The following FHAD1 variants were observed in gnomAD, a reference collection of about 807,000 sequenced individuals.
FHAD1 encodes forkhead-associated domain-containing protein 1.
Under a neutral mutation model 191.3 loss-of-function variants are expected in FHAD1, and 146 were observed. The ratio of observed to expected loss-of-function variants is 0.76; its 90% CI spans 0.67 to 0.88. FHAD1 has a LOEUF of 0.88. Ranked by LOEUF, FHAD1 falls within the 40% of genes least tolerant of loss-of-function variation. The pLI is 0.00. For missense variants in FHAD1, 1,635 were observed against 1,785.8 expected (o/e 0.92, Z 1.52); for synonymous variants, 616 against 672.3 (o/e 0.92, Z 1.29).
chr1:15,355,520 G>C (rs1211815593), intron 20 of FHAD1, among the ~76,000 whole-genome samples: 2 of 152,252 alleles, frequency 1.3e-5, no homozygotes, highest in African/African-American at 4.8e-5. Context: ...AAGCTGCTGA[G>C]TAGCTGCCAG....
chr1:15,374,440 G>T (rs1698989487), intron 26 of FHAD1, 62 bp from the exon 27 acceptor site: 1 of 1,541,932 alleles, frequency 6.5e-7, no homozygotes, highest in African/African-American at 1.4e-5. Context: ...TCACATTTCT[G>T]TGAATGTAAG....
chr1:15,295,189 C>T (rs965989324), intron 4 of FHAD1, among the ~76,000 whole-genome samples: 1 of 152,198 alleles, frequency 6.6e-6, no homozygotes, highest in Non-Finnish European at 1.5e-5. Context: ...GCTGTGGGAC[C>T]TTCAGCAAGT....
intron 3 of FHAD1, among the ~76,000 whole-genome samples, chr1:15,275,594 T>A (rs886900630): frequency 1.3e-5 from 2 of 152,194 alleles, no homozygotes; most frequent in African/African-American, 2.4e-5. Flanking sequence ...CAGGCCTGAG[T>A]GAGGGCAGCC....
chr1:15,394,151 G>C (rs1029463408), intron 33 of FHAD1, among the ~76,000 whole-genome samples: 1 of 152,166 alleles, frequency 6.6e-6, no homozygotes, highest in African/African-American at 2.4e-5. Context: ...CCCATTCCCA[G>C]GTCAGCGGTC....
intron 4 of FHAD1, among the ~76,000 whole-genome samples, chr1:15,292,523 C>T (rs927659991): frequency 3.3e-5 from 5 of 152,142 alleles, no homozygotes; most frequent in African/African-American, 4.8e-5. Context: ...TTAGTAGAGA[C>T]GAGTTTTCAC....
In FHAD1 at chr1:15,272,323, T is replaced by C; in HGVS notation, c.94T>C (p.Ser32Pro). The C allele has an allele frequency of 6.5e-7, 1 of 1,547,304 alleles. No individual in the cohort carries two copies. Among genetic ancestry groups the C allele is most frequent in the Non-Finnish European group, 8.7e-7 (1 of 1,143,166 alleles). Residue 32 changes from serine (S) to proline (P), a missense_variant and splice_region_variant, in exon 3 of 34, where the codon TCT becomes CCT. Transcript: ENST00000688493. ...RHENSDLVLQSPDIDNHHALI... is the reference protein window; with the variant it reads ...RHENSDLVLQPPDIDNHHALI... ...CGACTGTCCTCCTTCTCCGTTGCAG[T>C]CTCCTGACATCGACAACCACCATGC... is the stretch of plus-strand genomic sequence containing the variant.
At chr1:15,288,448 G>T (rs796648279) in intron 3 of FHAD1, among the ~76,000 whole-genome samples, 41 of 152,366 alleles carry the variant, frequency 2.7e-4, no homozygotes, top group African/African-American at 8.9e-4. Flanking sequence ...AGCTGTGCTG[G>T]TGTGGAAAAG....
chr1:15,389,641 C>G (rs933521538), intron 32 of FHAD1, among the ~76,000 whole-genome samples: 2 of 152,062 alleles, frequency 1.3e-5, no homozygotes, highest in Non-Finnish European at 2.9e-5. Context: ...GGCCACGATT[C>G]TTCGCAGACT....
chr1:15,242,856 T>C (rs1481178126), upstream of FHAD1, among the ~76,000 whole-genome samples: 3 of 152,182 alleles, frequency 2.0e-5, no homozygotes. Flanking sequence ...ATAGAGCCAT[T>C]CAGTTGTACC....
intron 33 of FHAD1, 97 bp from the exon 34 acceptor site, chr1:15,397,200 A>T: frequency 1.7e-6 from 1 of 578,484 alleles, no homozygotes; most frequent in Non-Finnish European, 2.9e-6. Flanking sequence ...CAAAAAAAAA[A>T]AATTAAATAA....
intron 3 of FHAD1, among the ~76,000 whole-genome samples, chr1:15,281,329 A>G (rs1660519096): frequency 6.6e-6 from 1 of 152,224 alleles, no homozygotes; most frequent in South Asian, 2.1e-4. Context: ...GAGTAAGATC[A>G]GAGGAAGTAG....
In FHAD1 at chr1:15,289,703, G is replaced by T. The variant is rs184447863; in HGVS notation, c.568+37G>T. ...GGCTGCCATTGGTGGCTTGGGGGTG[G>T]TTCACGGCCATGTGGATGGGTCTTG... On this transcript the variant is annotated intron_variant, in intron 4 of 33. Coordinates refer to ENST00000688493, the MANE Select transcript of FHAD1 (RefSeq NM_001391957.1). The surrounding 1 kb of genome is among the most constrained non-coding windows in gnomAD (Gnocchi z 4.2). 1,454 of 1,522,268 alleles carry T rather than the reference G, an allele frequency of 9.6e-4. 11 individuals are homozygous for T. The African/African-American group carries it at 0.016, about 17-fold the overall frequency. The allele number at this position is 1,522,268 out of a possible 1,614,324, so 94.3% of individuals were successfully genotyped here.
chr1:15,301,203 A>G lies in FHAD1; in HGVS notation c.679-2A>G, dbSNP rs1668670802. On this transcript the variant is annotated splice_acceptor_variant, in intron 5 of 33. Transcript: ENST00000688493. LOFTEE classifies it high-confidence loss of function. The stretch of plus-strand genomic sequence containing the variant: ...TAAGCCTCCCATCTGATCTCTACCC[A>G]GGATGAAATAATTCTGCTGCTGGGA... 1 of 1,551,526 alleles carries G rather than the reference A, an allele frequency of 6.4e-7. No individual in the cohort carries two copies. The highest frequency in any genetic ancestry group is 8.7e-7 in the Non-Finnish European group (1 of 1,146,874).
intron 28 of FHAD1, among the ~76,000 whole-genome samples, chr1:15,378,801 G>A (rs1052264865): frequency 2.6e-5 from 4 of 151,898 alleles, no homozygotes; most frequent in Admixed American, 6.6e-5. Context: ...GTATAGAGCC[G>A]GTAAATGCTG....
intron 20 of FHAD1, among the ~76,000 whole-genome samples, chr1:15,354,331 A>G (rs184267168): frequency 6.6e-6 from 1 of 152,336 alleles, no homozygotes; most frequent in East Asian, 1.9e-4. Flanking sequence ...TAGGGAGAAT[A>G]GTCCAGAAGG....
At chr1:15,269,502 T>C (rs1402102929) in intron 2 of FHAD1, among the ~76,000 whole-genome samples, 2 of 152,252 alleles carry the variant, frequency 1.3e-5, no homozygotes, top group Non-Finnish European at 2.9e-5. Flanking sequence ...CAAGTTTACT[T>C]CCATTGTGGT....
intron 27 of FHAD1, among the ~76,000 whole-genome samples, chr1:15,374,945 G>A (rs992159761): frequency 2.1e-5 from 3 of 143,956 alleles, no homozygotes; most frequent in East Asian, 2.1e-4. Flanking sequence ...TGCAACCTCC[G>A]CCTCCCAGGT....
intron 16 of FHAD1, 76 bp from the exon 17 acceptor site, chr1:15,345,007 C>T: frequency 2.7e-6 from 3 of 1,106,406 alleles, no homozygotes; most frequent in Non-Finnish European, 4.0e-6. Context: ...GAAGAGGTAG[C>T]ACATGCAGTG....
chr1:15,386,389 C>A (rs2249218), intron 31 of FHAD1, among the ~76,000 whole-genome samples: 58,599 of 152,210 alleles, frequency 0.38, 14,553 homozygotes, highest in African/African-American at 0.71. Context: ...TGTCTTTTCT[C>A]TTTAGTGAAT....
Sources: allele counts gnomAD v4.1 joint callset (sites outside exome capture counted in the v4.1 genomes callset), GRCh38; gene constraint gnomAD v4.1.1; non-coding constraint Gnocchi (gnomAD v3.1); transcripts MANE v1.5; gene names NCBI Gene and HGNC (gene_info 2026-07-23, HGNC 2026-07-21).